LMBR1: variants seen among roughly 807,000 people sequenced by gnomAD.
LMBR1 encodes the protein limb development membrane protein 1, also known as limb region 1 protein homolog.
Under a neutral mutation model 73.9 loss-of-function variants are expected in LMBR1, and 52 were observed. The ratio of observed to expected loss-of-function variants is 0.70; its 90% CI spans 0.56 to 0.89. The LOEUF (loss-of-function observed/expected upper bound fraction) is 0.89, where lower values mean the gene tolerates loss of function less well. LMBR1 is among the 40% of genes least tolerant of loss of function. The pLI is 0.00. For missense variants in LMBR1, 539 were observed against 579.8 expected (o/e 0.93, Z 0.72); for synonymous variants, 215 against 209.4 (o/e 1.03, Z -0.23).
intron 5 of LMBR1, among the ~76,000 whole-genome samples, chr7:156,793,548 AAC>A (rs1323321925): frequency 6.6e-6 from 1 of 152,210 alleles, no homozygotes; most frequent in East Asian, 1.9e-4. Flanking sequence ...CAAAATGGGA[AAC>A]ATATTTTAAA....
At chr7:156,864,543 G>C (rs73167928) in intron 1 of LMBR1, among the ~76,000 whole-genome samples, 5,984 of 152,210 alleles carry the variant, frequency 0.039, 170 homozygotes, top group Non-Finnish European at 0.049. Flanking sequence ...ATAAGGCAAT[G>C]AAAAGAGGTT....
At chr7:156,701,964 C>A (rs1809830111) in intron 15 of LMBR1, among the ~76,000 whole-genome samples, 1 of 152,116 alleles carries the variant, frequency 6.6e-6, no homozygotes, top group South Asian at 2.1e-4. Flanking sequence ...GATCTTGTTC[C>A]TTTTTATGGC....
In LMBR1 at chr7:156,789,436, T is replaced by C. The variant is rs1023154046; in HGVS notation, c.423+6953A>G. 1.3e-4 allele frequency among the ~76,000 whole-genome samples: 20 copies of C among 152,342 alleles called. No homozygotes were observed. The highest frequency in any genetic ancestry group is 4.6e-4 in the African/African-American group (19 of 41,582). On this transcript the variant is annotated intron_variant, in intron 5 of 16. Coordinates refer to ENST00000353442, the MANE Select transcript of LMBR1 (RefSeq NM_022458.4). ...AGTAGATTTATCACAGGCTAAAATA[T>C]TACCTAACGTCAAACTATCAAACAA...
chr7:156,714,060 CAA>C (rs892238104), intron 15 of LMBR1, among the ~76,000 whole-genome samples: 49 of 152,278 alleles, frequency 3.2e-4, no homozygotes, highest in African/African-American at 9.9e-4. Context: ...ACTTTTTAAA[CAA>C]TGCAATATTT....
intron 9 of LMBR1, among the ~76,000 whole-genome samples, chr7:156,752,310 A>G (rs186849387): frequency 6.6e-6 from 1 of 152,318 alleles, no homozygotes; most frequent in East Asian, 1.9e-4. Flanking sequence ...ATGGGTGGTG[A>G]CCTGGAGGGG....
At position 156,843,835 on chromosome 7, in the gene LMBR1, CAA is replaced by C. The variant is rs11288663; in HGVS notation, c.67-6952_67-6951del. On this transcript the variant is annotated intron_variant, in intron 1 of 16. Coordinates refer to ENST00000353442, the MANE Select transcript of LMBR1 (RefSeq NM_022458.4). ...TGGGCAACAGAGCAAGACCCTGTCT[CAA>C]AAAAAAAAAAAAAAGAAAGAAAAGA... is the stretch of plus-strand genomic sequence containing the variant. Among the ~76,000 whole-genome samples the C allele has an allele frequency of 5.1e-3, 618 of 120,858 alleles. 6 individuals are homozygous for C. The highest frequency in any genetic ancestry group is 0.015 in the African/African-American group (493 of 32,114). 79.3% of individuals were successfully genotyped at this position (120,858 alleles called of 152,430 possible).
chr7:156,676,262 T>A (rs932011058), downstream of LMBR1: 2 of 1,546,586 alleles, frequency 1.3e-6, no homozygotes, highest in Non-Finnish European at 1.7e-6. Flanking sequence ...TATATGTATA[T>A]ATATAAATAA....
intron 5 of LMBR1, among the ~76,000 whole-genome samples, chr7:156,766,348 C>T (rs991313852): frequency 6.6e-6 from 1 of 152,084 alleles, no homozygotes; most frequent in African/African-American, 2.4e-5. Flanking sequence ...ATGGTGGGTT[C>T]CCCAGCTGTG....
chr7:156,826,838 C>A, intron 3 of LMBR1, 94 bp from the exon 4 acceptor site: 1 of 1,165,792 alleles, frequency 8.6e-7, no homozygotes, highest in African/African-American at 1.5e-5. Context: ...ATGTTTTAAT[C>A]AAAAAAGCAT....
chr7:156,884,454 C>T (rs1352015563), intron 1 of LMBR1, among the ~76,000 whole-genome samples: 1 of 151,972 alleles, frequency 6.6e-6, no homozygotes, highest in African/African-American at 2.4e-5. Context: ...TCCTGGCTAA[C>T]AGGAATGACT....
intron 9 of LMBR1, among the ~76,000 whole-genome samples, chr7:156,751,168 G>A (rs1554499776): frequency 6.6e-6 from 1 of 151,990 alleles, no homozygotes; most frequent in Non-Finnish European, 1.5e-5. Context: ...GGAGAGACAG[G>A]CAATATACTA....
intron 15 of LMBR1, among the ~76,000 whole-genome samples, chr7:156,698,438 C>T (rs117910513): frequency 0.012 from 1,852 of 152,350 alleles, 15 homozygotes; most frequent in Non-Finnish European, 0.019. Context: ...AGAGGTTCTC[C>T]GTGAGAGCCC....
At position 156,779,470 on chromosome 7, in the gene LMBR1, G is replaced by A. The variant is rs982389110; in HGVS notation, c.424-15675C>T. 5.9e-5 allele frequency among the ~76,000 whole-genome samples: 9 copies of A among 152,102 alleles called. No individual in the cohort carries two copies. The highest frequency in any genetic ancestry group is 1.3e-4 in the Non-Finnish European group (9 of 68,022). ...CTCAATATTATAAAAGGTTAAATTCGATGAAATAGATTAGTAAAGACTAAA... is the reference window on the plus strand; with the variant it reads ...CTCAATATTATAAAAGGTTAAATTCAATGAAATAGATTAGTAAAGACTAAA... On this transcript the variant is annotated intron_variant, in intron 5 of 16. Transcript: ENST00000353442.
At chr7:156,842,475 G>A (rs1338709352) in intron 1 of LMBR1, among the ~76,000 whole-genome samples, 1 of 152,142 alleles carries the variant, frequency 6.6e-6, no homozygotes, top group Admixed American at 6.5e-5. Flanking sequence ...TTGCAGCTGC[G>A]CAGCTAGAGA....
chr7:156,811,102 C>T (rs576062439), intron 4 of LMBR1, among the ~76,000 whole-genome samples: 115 of 152,230 alleles, frequency 7.6e-4, no homozygotes, highest in African/African-American at 2.6e-3. Context: ...TGAGCCACAG[C>T]GCCCAGCCCC....
chr7:156,728,547 T>C lies in LMBR1; in HGVS notation c.915+97A>G. On this transcript the variant is annotated intron_variant, in intron 11 of 16. Transcript: ENST00000353442. ...TAATCCTGTTGATAGAAAACTAGTT[T>C]ATGAAAAACCATTTAGCTGAGGGAG... 7 of 812,830 alleles carry C rather than the reference T, an allele frequency of 8.6e-6. No individual in the cohort carries two copies. The South Asian group carries it at 1.1e-4, about 13-fold the overall frequency. 50.4% of individuals were successfully genotyped at this position (812,830 alleles called of 1,614,324 possible).
In LMBR1 at chr7:156,892,851, A is replaced by AC. The variant is rs200101319; in HGVS notation, c.66+76dup. ...AGGCCCGGAGGTGAGGGGTCCGGGG[A>AC]CCGGGGGCCCGGGGGCGGGGACGGA... On this transcript the variant is annotated intron_variant, in intron 1 of 16. Transcript: ENST00000353442. 0.63 allele frequency: 669,439 copies of AC among 1,057,468 alleles called. 206,918 individuals carry two copies. The highest frequency in any genetic ancestry group is 0.74 in the Middle Eastern group (2,302 of 3,126). The allele number at this position is 1,057,468 out of a possible 1,614,324, so 65.5% of individuals were successfully genotyped here. A position where few individuals can be genotyped will look rare whatever the true frequency, so the allele number is the denominator to read the frequency against.
At chr7:156,739,956 G>T (rs1170314553) in intron 9 of LMBR1, among the ~76,000 whole-genome samples, 1 of 152,082 alleles carries the variant, frequency 6.6e-6, no homozygotes, top group Non-Finnish European at 1.5e-5. Flanking sequence ...CTTTCAGACA[G>T]AATTCAAAAT....
intron 4 of LMBR1, among the ~76,000 whole-genome samples, chr7:156,824,846 A>AT (rs1484460588): frequency 6.6e-6 from 1 of 150,416 alleles, no homozygotes; most frequent in Admixed American, 6.6e-5. Flanking sequence ...CCCTGTCTCA[A>AT]TAAAAAAAAA....
Sources: allele counts gnomAD v4.1 joint callset (sites outside exome capture counted in the v4.1 genomes callset), GRCh38; gene constraint gnomAD v4.1.1; transcripts MANE v1.5; gene names NCBI Gene and HGNC (gene_info 2026-07-23, HGNC 2026-07-21).